Variants in GCH1 observed in about 807,000 individuals in gnomAD.
GCH1 encodes the protein GTP cyclohydrolase I.
A neutral mutation model predicts 25.9 loss-of-function variants in GCH1; 5 were observed. The observed-to-expected ratio is 0.19, with a 90% confidence interval of 0.10 to 0.41. GCH1 has a LOEUF of 0.41. Ranked by LOEUF, GCH1 falls within the 10% of genes least tolerant of loss-of-function variation. The probability of loss-of-function intolerance (pLI) is 1.00; values close to 1 mark genes in which losing one functional copy is unlikely to be tolerated. For synonymous variants in GCH1, 159 were observed against 129.6 expected, an observed-to-expected ratio of 1.23 and a Z score of -1.54; for missense variants, 261 against 336.5, an observed-to-expected ratio of 0.78 and a Z score of 1.75.
At chr14:54,852,369 G>C (rs1188430688) in intron 3 of GCH1, among the ~76,000 whole-genome samples, 1 of 152,176 alleles carries the variant, frequency 6.6e-6, no homozygotes, top group Admixed American at 6.5e-5. Flanking sequence ...TCCAGTTCAA[G>C]GTCTCAAGTG....
chr14:54,861,066 G>A (rs527998283), intron 2 of GCH1, among the ~76,000 whole-genome samples: 1 of 152,262 alleles, frequency 6.6e-6, no homozygotes, highest in African/African-American at 2.4e-5. Context: ...GTCACTTGTA[G>A]GCAATTAATT....
chr14:54,856,451 AT>A (rs2140058401), intron 3 of GCH1, among the ~76,000 whole-genome samples: 1 of 152,090 alleles, frequency 6.6e-6, no homozygotes, highest in East Asian at 1.9e-4. Flanking sequence ...TCAATTATTT[AT>A]TTATTTATTT....
intron 2 of GCH1, among the ~76,000 whole-genome samples, chr14:54,864,963 A>C (rs766188587): frequency 6.6e-6 from 1 of 152,148 alleles, no homozygotes; most frequent in Non-Finnish European, 1.5e-5. Context: ...TATTCAAGTT[A>C]AAATAAAGGG....
intron 1 of GCH1, among the ~76,000 whole-genome samples, chr14:54,886,511 C>T (rs1167123108): frequency 6.6e-6 from 1 of 152,112 alleles, no homozygotes; most frequent in Non-Finnish European, 1.5e-5. Flanking sequence ...GCTCGGGGGG[C>T]TGAGGCAGGA....
At chr14:54,896,648 C>A (rs1324852808) in intron 1 of GCH1, among the ~76,000 whole-genome samples, 1 of 151,932 alleles carries the variant, frequency 6.6e-6, no homozygotes, top group Non-Finnish European at 1.5e-5. Flanking sequence ...AGCGGTGGCT[C>A]ACGCCTGTAA....
chr14:54,848,057 T>A (rs2039670218), intron 3 of GCH1, among the ~76,000 whole-genome samples: 1 of 152,110 alleles, frequency 6.6e-6, no homozygotes, highest in Non-Finnish European at 1.5e-5. Flanking sequence ...ATGTAAGCAC[T>A]TAGTAAGATT....
At chr14:54,895,427 C>T (rs184752100) in intron 1 of GCH1, among the ~76,000 whole-genome samples, 2 of 152,298 alleles carry the variant, frequency 1.3e-5, no homozygotes, top group South Asian at 2.1e-4. Flanking sequence ...CTTGCATATT[C>T]CCAAAAACTC....
intron 1 of GCH1, among the ~76,000 whole-genome samples, chr14:54,891,402 G>A (rs1365433717): frequency 7.2e-6 from 1 of 138,804 alleles, no homozygotes; most frequent in Non-Finnish European, 1.5e-5. Flanking sequence ...CATCATGCCT[G>A]GCATTTTTTT....
At chr14:54,848,419 G>A (rs779799600) in intron 3 of GCH1, among the ~76,000 whole-genome samples, 11 of 152,188 alleles carry the variant, frequency 7.2e-5, no homozygotes, top group Non-Finnish European at 1.3e-4. Flanking sequence ...ACAGGCGTGA[G>A]CCCCTGTGCC....
intron 1 of GCH1, among the ~76,000 whole-genome samples, chr14:54,884,467 T>G (rs8010461): frequency 0.19 from 28,857 of 152,108 alleles, 3,575 homozygotes; most frequent in East Asian, 0.42. Flanking sequence ...TTTTTTTCTT[T>G]TTTTGTAAGA....
Position 54,902,782 on chromosome 14 carries a change from G to A in GCH1, c.-119C>T. 2.3e-6 allele frequency: 3 copies of A among 1,305,150 alleles called. No homozygotes were observed. The highest frequency in any genetic ancestry group is 2.9e-6 in the Non-Finnish European group (3 of 1,020,116). The allele number at this position is 1,305,150 out of a possible 1,614,324, so 80.8% of individuals were successfully genotyped here. A position where few individuals can be genotyped will look rare whatever the true frequency, so the allele number is the denominator to read the frequency against. On this transcript the variant is annotated 5_prime_UTR_variant, in exon 1 of 6. Coordinates refer to ENST00000491895, the MANE Select transcript of GCH1 (RefSeq NM_000161.3). ...GGCCGGAGTCACCTGAGGAAGGTAC[G>A]CAACCTGCTTAGATCACACTCCGAG...
chr14:54,871,576 T>G (rs575422256), intron 1 of GCH1, among the ~76,000 whole-genome samples: 1 of 152,220 alleles, frequency 6.6e-6, no homozygotes, highest in Admixed American at 6.5e-5. Flanking sequence ...TTCGAACCCA[T>G]GGCAAAGAAG....
chr14:54,898,812 G>T (rs1197090858), intron 1 of GCH1, among the ~76,000 whole-genome samples: 4 of 152,136 alleles, frequency 2.6e-5, no homozygotes, highest in African/African-American at 9.7e-5. Context: ...TAGAGATGGG[G>T]TTTCAACATG....
chr14:54,887,530 T>G (rs1037337842), intron 1 of GCH1, among the ~76,000 whole-genome samples: 5 of 152,210 alleles, frequency 3.3e-5, no homozygotes, highest in South Asian at 2.1e-4. Flanking sequence ...TATTCCAGAT[T>G]AAAACGTAAT....
Position 54,902,545 on chromosome 14 carries a change from G to C in GCH1, c.119C>G (p.Pro40Arg), listed in dbSNP as rs995999325. Residue 40 changes from proline to arginine, a missense_variant, in exon 1 of 6, where the codon CCG becomes CGG. Transcript: ENST00000491895. ...PGPSRPAEKP[P>R]RPEAKSAQPA... ...CTGCGCGCTCTTGGCCTCGGGCCGCGGGGGCTTCTCCGCCGGCCTGCTGGG... is the reference window on the plus strand; with the variant it reads ...CTGCGCGCTCTTGGCCTCGGGCCGCCGGGGCTTCTCCGCCGGCCTGCTGGG... 12 of 1,544,888 alleles carry C rather than the reference G, an allele frequency of 7.8e-6. No homozygotes were observed. Among genetic ancestry groups the C allele is most frequent in the Non-Finnish European group, 1.0e-5 (12 of 1,147,292 alleles).
intron 1 of GCH1, among the ~76,000 whole-genome samples, chr14:54,882,625 G>A (rs1212649327): frequency 6.6e-6 from 1 of 151,814 alleles, no homozygotes; most frequent in Non-Finnish European, 1.5e-5. Flanking sequence ...TGGAATTTAC[G>A]AAACAGATGG....
At chr14:54,895,711 G>A (rs1424058000) in intron 1 of GCH1, among the ~76,000 whole-genome samples, 1 of 152,202 alleles carries the variant, frequency 6.6e-6, no homozygotes, top group South Asian at 2.1e-4. Context: ...AAACTGAAAT[G>A]GCACAGAAAT....
At chr14:54,886,561 G>A (rs146249811) in intron 1 of GCH1, among the ~76,000 whole-genome samples, 296 of 152,278 alleles carry the variant, frequency 1.9e-3, no homozygotes, top group African/African-American at 6.8e-3. Flanking sequence ...GCAGTGAGCC[G>A]AGATCGCGCC....
intron 3 of GCH1, among the ~76,000 whole-genome samples, chr14:54,850,565 T>A (rs1243339664): frequency 6.6e-6 from 1 of 152,170 alleles, no homozygotes; most frequent in Non-Finnish European, 1.5e-5. Flanking sequence ...TGTATGTAAG[T>A]GCCACGTTGG....
Sources: gnomAD v4.1 joint callset for allele counts (sites outside exome capture counted in the v4.1 genomes callset) on GRCh38, gnomAD v4.1.1 for gene constraint, MANE v1.5 for transcripts, NCBI Gene and HGNC (gene_info 2026-07-23, HGNC 2026-07-21) for gene names.